ST8SIA2: variants seen among roughly 807,000 people sequenced by gnomAD.
ST8SIA2 encodes the protein alpha-2,8-sialyltransferase 8B.
Under a neutral mutation model 37.6 loss-of-function variants are expected in ST8SIA2, and 22 were observed. The observed-to-expected ratio is 0.58, with a 90% CI of 0.42 to 0.83. The LOEUF is 0.83. Ranked by LOEUF, ST8SIA2 falls within the 40% of genes least tolerant of loss-of-function variation. ST8SIA2 has a pLI of 0.00. For synonymous variants in ST8SIA2, 205 were observed against 201.2 expected (o/e 1.02, Z -0.16); for missense variants, 382 against 484.7 (o/e 0.79, Z 1.99).
Position 92,467,091 on chromosome 15 carries a change from G to A in ST8SIA2, c.*2706G>A, listed in dbSNP as rs116928729. 0.014 allele frequency: 2,115 copies of A among 153,068 alleles called. 28 individuals are homozygous for A. The highest frequency in any genetic ancestry group is 0.02 in the Non-Finnish European group (1,398 of 68,492). 9.5% of individuals were successfully genotyped at this position (153,068 alleles called of 1,614,324 possible). On this transcript the variant is annotated 3_prime_UTR_variant, in exon 6 of 6. Coordinates refer to ENST00000268164, the MANE Select transcript of ST8SIA2 (RefSeq NM_006011.4). ...CACCTGTCAGATACCCAGCCTGCCC[G>A]CCATCAGCCACCCGAGTGGTTCCGA... is the stretch of plus-strand genomic sequence containing the variant.
In ST8SIA2 at chr15:92,444,585, G is replaced by C. The variant is rs181635046; in HGVS notation, c.549-51G>C. 1.2e-4 allele frequency: 198 copies of C among 1,612,158 alleles called. No individual in the cohort carries two copies. The African/African-American group carries it at 2.3e-3, about 19-fold the overall frequency. ...AAGGATGGGATCGAGTTAAACAGAG[G>C]AAGGGGTCTCAGCTTTCCCAAAAGG... On this transcript the variant is annotated intron_variant, in intron 4 of 5. Coordinates refer to ENST00000268164, the MANE Select transcript of ST8SIA2 (RefSeq NM_006011.4).
chr15:92,415,934 T>A (rs2049583004), intron 1 of ST8SIA2, among the ~76,000 whole-genome samples: 1 of 151,984 alleles, frequency 6.6e-6, no homozygotes, highest in Non-Finnish European at 1.5e-5. Context: ...GAAAAGAAGA[T>A]GAGGCTGAAG....
chr15:92,426,408 A>G (rs2049676192), intron 1 of ST8SIA2, among the ~76,000 whole-genome samples: 2 of 152,192 alleles, frequency 1.3e-5, no homozygotes, highest in African/African-American at 4.8e-5. Flanking sequence ...GCAGAAAACA[A>G]GAGTTCACCG....
At chr15:92,400,327 G>A (rs190727518) in intron 1 of ST8SIA2, among the ~76,000 whole-genome samples, 5 of 152,296 alleles carry the variant, frequency 3.3e-5, no homozygotes, top group Admixed American at 1.3e-4. Flanking sequence ...CTGGTGATAC[G>A]TATATGGTTT....
chr15:92,397,059 C>A (rs938616388), intron 1 of ST8SIA2, among the ~76,000 whole-genome samples: 2 of 152,108 alleles, frequency 1.3e-5, no homozygotes, highest in African/African-American at 4.8e-5. Flanking sequence ...TGGGAGAAAG[C>A]GATGGCTCTG....
chr15:92,456,779 C>T (rs112478580), intron 5 of ST8SIA2, among the ~76,000 whole-genome samples: 77 of 152,286 alleles, frequency 5.1e-4, no homozygotes, highest in African/African-American at 1.8e-3. Flanking sequence ...TGGAGGCTAT[C>T]AGGTTTTATG....
intron 1 of ST8SIA2, among the ~76,000 whole-genome samples, chr15:92,408,758 T>C (rs985940802): frequency 4.0e-5 from 6 of 151,726 alleles, no homozygotes; most frequent in Non-Finnish European, 8.8e-5. Context: ...CAGGCTGGAG[T>C]ACAATGGCGT....
chr15:92,434,572 G>A (rs1231990466), intron 3 of ST8SIA2, among the ~76,000 whole-genome samples, 197 bp downstream of exon 3: 2 of 152,208 alleles, frequency 1.3e-5, no homozygotes, highest in East Asian at 1.9e-4. Context: ...TGTATGTGGC[G>A]ACTGGGGCCA....
intron 4 of ST8SIA2, among the ~76,000 whole-genome samples, chr15:92,441,639 G>T (rs113111398): frequency 1.7e-4 from 26 of 151,934 alleles, no homozygotes; most frequent in Admixed American, 4.6e-4. Flanking sequence ...TCCATAGGGA[G>T]AATCTGATGA....
At chr15:92,410,961 T>C (rs1731699561) in intron 1 of ST8SIA2, among the ~76,000 whole-genome samples, 2 of 152,194 alleles carry the variant, frequency 1.3e-5, no homozygotes, top group African/African-American at 4.8e-5. Flanking sequence ...AAGGAGGAGC[T>C]GTTCTCACAT....
At chr15:92,455,904 A>G (rs1319816700) in intron 5 of ST8SIA2, among the ~76,000 whole-genome samples, 23 of 152,264 alleles carry the variant, frequency 1.5e-4, no homozygotes, top group Admixed American at 1.5e-3. Flanking sequence ...TTTTCTCTTA[A>G]CCTCACCAAT....
chr15:92,425,916 C>T (rs934690402), intron 1 of ST8SIA2, among the ~76,000 whole-genome samples: 7 of 152,140 alleles, frequency 4.6e-5, no homozygotes, highest in African/African-American at 1.7e-4. Context: ...CAGGAAGAGT[C>T]GTTTGCTGTC....
chr15:92,439,014 G>A (rs2049781177), intron 4 of ST8SIA2, among the ~76,000 whole-genome samples: 1 of 152,194 alleles, frequency 6.6e-6, no homozygotes, highest in Non-Finnish European at 1.5e-5. Context: ...CAAGGAGAGT[G>A]GAGTCACTGG....
At chr15:92,426,058 G>A (rs1418851878) in intron 1 of ST8SIA2, among the ~76,000 whole-genome samples, 1 of 152,168 alleles carries the variant, frequency 6.6e-6, no homozygotes. Flanking sequence ...CTTTATTGTG[G>A]CCCGCAGGAG....
At chr15:92,411,732 G>C (rs893247776) in intron 1 of ST8SIA2, among the ~76,000 whole-genome samples, 2 of 152,112 alleles carry the variant, frequency 1.3e-5, no homozygotes, top group Non-Finnish European at 2.9e-5. Context: ...CTCAATGGTG[G>C]GCAGCTGGGG....
chr15:92,453,190 C>T (rs903949764), intron 5 of ST8SIA2, among the ~76,000 whole-genome samples: 2 of 152,114 alleles, frequency 1.3e-5, no homozygotes, highest in Non-Finnish European at 2.9e-5. Flanking sequence ...CTCCTTGTAT[C>T]CTTGACAGAT....
At chr15:92,431,055 A>G (rs1458110503) in intron 2 of ST8SIA2, among the ~76,000 whole-genome samples, 1 of 152,090 alleles carries the variant, frequency 6.6e-6, no homozygotes, top group Non-Finnish European at 1.5e-5. Context: ...CTAGCTCTCT[A>G]ATGACCTCTT....
chr15:92,464,387 G>T lies in ST8SIA2; in HGVS notation c.*2G>T. On this transcript the variant is annotated 3_prime_UTR_variant, in exon 6 of 6. Transcript: ENST00000268164. ...GGCCAGTGCGATGGGGCCACGTAGGGTGGGCACCCCATGGGACTCAGTGGC... is the reference window on the plus strand; with the variant it reads ...GGCCAGTGCGATGGGGCCACGTAGGTTGGGCACCCCATGGGACTCAGTGGC... 2 of 1,613,300 alleles carry T rather than the reference G, an allele frequency of 1.2e-6. No homozygotes were observed. Among genetic ancestry groups the T allele is most frequent in the African/African-American group, 1.3e-5 (1 of 75,012 alleles).
At chr15:92,409,136 G>C (rs865905850) in intron 1 of ST8SIA2, among the ~76,000 whole-genome samples, 2 of 152,162 alleles carry the variant, frequency 1.3e-5, no homozygotes, top group African/African-American at 2.4e-5. Flanking sequence ...CTGAGGTCTC[G>C]TGCACAGAAG....
Sources: allele counts gnomAD v4.1 joint callset (sites outside exome capture counted in the v4.1 genomes callset), GRCh38; gene constraint gnomAD v4.1.1; transcripts MANE v1.5; gene names NCBI Gene and HGNC (gene_info 2026-07-23, HGNC 2026-07-21).